The following ALOX5 variants were observed in gnomAD, a reference collection of about 807,000 sequenced individuals.
The protein encoded by ALOX5 is polyunsaturated fatty acid 5-lipoxygenase.
A neutral mutation model predicts 87.9 loss-of-function variants in ALOX5; 64 were observed. The ratio of observed to expected loss-of-function variants is 0.73; its 90% CI spans 0.60 to 0.90. ALOX5 has a LOEUF of 0.90. ALOX5 is among the 40% of genes least tolerant of loss of function. ALOX5 has a pLI of 0.00. For synonymous variants in ALOX5, 388 were observed against 355.1 expected (o/e 1.09, Z -1.04); for missense variants, 822 against 907.5 (o/e 0.91, Z 1.21).
chr10:45,395,857 A>T lies in ALOX5; in HGVS notation c.352A>T (p.Lys118Ter), dbSNP rs753806636. 2 of 1,614,158 alleles carry T rather than the reference A, an allele frequency of 1.2e-6. No individual in the cohort carries two copies. ...CTCATGTTGTTCTTTCTTTACAGCAAAGTTGGCCCGAGATGACCAAATTCA... is the reference window on the plus strand; with the variant it reads ...CTCATGTTGTTCTTTCTTTACAGCATAGTTGGCCCGAGATGACCAAATTCA... ...VEVVLRDGRAKLARDDQIHIL... is the reference protein window; with the variant it reads ...VEVVLRDGRA The change falls in exon 3 of 14, where the codon AAG (lysine) becomes TAG (stop). Residue 118 changes from lysine (K) to a stop codon, truncating the protein, a stop_gained and splice_region_variant. Coordinates refer to ENST00000374391, the MANE Select transcript of ALOX5 (RefSeq NM_000698.5). LOFTEE classifies it high-confidence loss of function.
chr10:45,418,940 A>G (rs1390708824), intron 4 of ALOX5, among the ~76,000 whole-genome samples: 3 of 152,288 alleles, frequency 2.0e-5, no homozygotes, highest in Non-Finnish European at 4.4e-5. Context: ...CCGGTCCTGG[A>G]AGAGGTGGGG....
intron 7 of ALOX5, among the ~76,000 whole-genome samples, chr10:45,431,555 ATTTATTTATTTATTTATT>A (rs1191009106): frequency 7.4e-6 from 1 of 135,742 alleles, no homozygotes; most frequent in African/African-American, 3.5e-5. Flanking sequence ...AAAGTTATTT[ATTTATTTATTTATTTATT>A]TATTTATTTA....
Position 45,440,101 on chromosome 10 carries a change from G to A in ALOX5, c.982-329G>A, listed in dbSNP as rs182990648. ...AGGGGGACAGCGATCCTCCCCCTCC[G>A]CTGCTGGGCCTTCGGCCTGCCCGCT... On this transcript the variant is annotated intron_variant, in intron 7 of 13. Coordinates refer to ENST00000374391, the MANE Select transcript of ALOX5 (RefSeq NM_000698.5). Among the ~76,000 whole-genome samples, 36 of 152,274 alleles carry A rather than the reference G, an allele frequency of 2.4e-4. No homozygotes were observed. In the East Asian group the frequency reaches 4.3e-3, roughly 18 times the overall value.
At position 45,445,808 on chromosome 10, in the gene ALOX5, CT is replaced by C; in HGVS notation, c.*124del. The C allele has an allele frequency of 1.8e-6, 2 of 1,091,818 alleles. No homozygotes were observed. Among genetic ancestry groups the C allele is most frequent in the Non-Finnish European group, 2.6e-6 (2 of 756,074 alleles). 67.6% of individuals were successfully genotyped at this position (1,091,818 alleles called of 1,614,324 possible). Reference sequence around the variant, plus strand: ...ACATCTCTTCCTCCGAGGCCAGTACCTTTCCATTTATTCTTTGATCTTCAGG... The same window carrying C: ...ACATCTCTTCCTCCGAGGCCAGTACCTTCCATTTATTCTTTGATCTTCAGG... On this transcript the variant is annotated 3_prime_UTR_variant, in exon 14 of 14. Coordinates refer to ENST00000374391, the MANE Select transcript of ALOX5 (RefSeq NM_000698.5).
chr10:45,425,519 GAGAA>G lies in ALOX5; in HGVS notation c.834+392_834+395del, dbSNP rs1841675334. 6.6e-6 allele frequency among the ~76,000 whole-genome samples: 1 copy of G among 152,180 alleles called. No individual in the cohort carries two copies. Among genetic ancestry groups the G allele is most frequent in the Non-Finnish European group, 1.5e-5 (1 of 68,026 alleles). On this transcript the variant is annotated intron_variant, in intron 6 of 13. Coordinates refer to ENST00000374391, the MANE Select transcript of ALOX5 (RefSeq NM_000698.5). The surrounding 1 kb of genome is among the most constrained non-coding windows in gnomAD (Gnocchi z 4.4). ...CCACCTTGCAAAGGGGAGAACACTG[GAGAA>G]AGAAGCAGACCTTGTGTGAGAATAA...
rs764678888 is a variant in ALOX5 at position 45,445,577 on chromosome 10, C to T, written c.1915C>T (p.Arg639Cys). The change falls in exon 14 of 14, where the codon CGC (arginine) becomes TGC (cysteine). Residue 639 changes from arginine to cysteine, a missense_variant. Physicochemically the swap from Arg to Cys is radical, Grantham distance 180. Transcript: ENST00000374391. ...TGTGAAGGAAGCCATGGCCCGATTC[C>T]GCAAGAACCTCGAGGCCATTGTCAG... is the stretch of plus-strand genomic sequence containing the variant. ...KPVKEAMARF[R>C]KNLEAIVSVI... The T allele has an allele frequency of 2.1e-5, 34 of 1,614,038 alleles. No homozygotes were observed. Among genetic ancestry groups the T allele is most frequent in the East Asian group, 6.7e-5 (3 of 44,886 alleles).
At position 45,445,867 on chromosome 10, in the gene ALOX5, A is replaced by C; in HGVS notation, c.*180A>C. The C allele has an allele frequency of 4.4e-6, 3 of 675,394 alleles. No homozygotes were observed. Among genetic ancestry groups the C allele is most frequent in the Non-Finnish European group, 7.4e-6 (3 of 407,548 alleles). 41.8% of individuals were successfully genotyped at this position (675,394 alleles called of 1,614,324 possible). A position where few individuals can be genotyped will look rare whatever the true frequency, so the allele number is the denominator to read the frequency against. On this transcript the variant is annotated 3_prime_UTR_variant, in exon 14 of 14. Coordinates refer to ENST00000374391, the MANE Select transcript of ALOX5 (RefSeq NM_000698.5). ...ATAGATTGATCAAAGTGTAAACACC[A>C]TAGGGACCCATTCTACACAGAGCAG...
intron 7 of ALOX5, among the ~76,000 whole-genome samples, chr10:45,434,137 G>GGGGGGCTACT (rs1192222800): frequency 6.6e-6 from 1 of 152,170 alleles, no homozygotes; most frequent in African/African-American, 2.4e-5. Context: ...TTGCGGGGCT[G>GGGGGGCTACT]GGGGGCTACA....
chr10:45,444,009 C>T (rs1778587941), intron 12 of ALOX5, 107 bp from the exon 13 acceptor site: 1 of 1,443,390 alleles, frequency 6.9e-7, no homozygotes, highest in South Asian at 1.4e-5. Flanking sequence ...GATGGACGGA[C>T]TGCAGGGCCC....
chr10:45,394,272 A>G (rs1027125488), intron 2 of ALOX5, among the ~76,000 whole-genome samples: 10 of 152,238 alleles, frequency 6.6e-5, no homozygotes, highest in Admixed American at 6.5e-4. Context: ...GACCAATGGA[A>G]CAGAACAGAG....
At chr10:45,399,799 T>C (rs773279616) in intron 3 of ALOX5, among the ~76,000 whole-genome samples, 1 of 152,182 alleles carries the variant, frequency 6.6e-6, no homozygotes, top group South Asian at 2.1e-4. Flanking sequence ...TTTTAAAATA[T>C]TCTGTACAAA....
intron 3 of ALOX5, among the ~76,000 whole-genome samples, chr10:45,406,691 C>A (rs1302865710): frequency 6.6e-6 from 1 of 152,210 alleles, no homozygotes; most frequent in Non-Finnish European, 1.5e-5. Flanking sequence ...TTGTTTCTTA[C>A]ATTTACTGTG....
At chr10:45,376,303 G>A (rs1260881610) in intron 1 of ALOX5, among the ~76,000 whole-genome samples, 2 of 148,270 alleles carry the variant, frequency 1.3e-5, no homozygotes, top group Admixed American at 6.8e-5. Context: ...CATTTCCATT[G>A]GGTTGAGAGG....
intron 7 of ALOX5, among the ~76,000 whole-genome samples, chr10:45,436,338 A>C (rs1015336145): frequency 2.0e-5 from 3 of 152,142 alleles, no homozygotes; most frequent in African/African-American, 7.2e-5. Flanking sequence ...GGAAATGTCC[A>C]TAAGATTTTT....
At chr10:45,386,039 C>CA (rs1040628325) in intron 2 of ALOX5, among the ~76,000 whole-genome samples, 15 of 151,562 alleles carry the variant, frequency 9.9e-5, no homozygotes, top group South Asian at 2.1e-4. Context: ...CCCATCTCTA[C>CA]AAAAAAAATT....
chr10:45,432,151 T>C (rs1227744275), intron 7 of ALOX5, among the ~76,000 whole-genome samples: 8 of 147,672 alleles, frequency 5.4e-5, no homozygotes, highest in African/African-American at 1.8e-4. Flanking sequence ...TAAAACCACA[T>C]AGAGAGGCAG....
In ALOX5 at chr10:45,428,772, GC is replaced by G. The variant is rs762238091; in HGVS notation, c.981+9del. 6.2e-7 allele frequency: 1 copy of G among 1,613,588 alleles called. No individual in the cohort carries two copies. Among genetic ancestry groups the G allele is most frequent in the Non-Finnish European group, 8.5e-7 (1 of 1,179,992 alleles). On this transcript the variant is annotated intron_variant, in intron 7 of 13. Transcript: ENST00000374391. The stretch of plus-strand genomic sequence containing the variant: ...GTCCCCATTGCCATCCAGGTAGGCT[GC>G]TGGGGGGCACACCTTTCTGAGCAGC...
At chr10:45,415,601 G>T (rs1219164039) in intron 4 of ALOX5, among the ~76,000 whole-genome samples, 1 of 152,052 alleles carries the variant, frequency 6.6e-6, no homozygotes, top group Non-Finnish European at 1.5e-5. Context: ...GACATACACG[G>T]AAAAAAGGAA....
intron 7 of ALOX5, 138 bp from the exon 8 acceptor site, chr10:45,440,292 C>G (rs886295898): frequency 1.4e-5 from 12 of 887,722 alleles, no homozygotes; most frequent in Admixed American, 1.2e-4. Context: ...CCCTTTACCC[C>G]CTCCAGGCTC....
Sources: allele counts gnomAD v4.1 joint callset (sites outside exome capture counted in the v4.1 genomes callset), GRCh38; gene constraint gnomAD v4.1.1; non-coding constraint Gnocchi (gnomAD v3.1); transcripts MANE v1.5; gene names NCBI Gene and HGNC (gene_info 2026-07-23, HGNC 2026-07-21).